ERBB2: variants seen among roughly 807,000 people sequenced by gnomAD.
ERBB2 encodes the protein receptor tyrosine-protein kinase erbB-2.
ERBB2 carries 61 observed loss-of-function variants against 149.0 expected under a neutral mutation model. That is an observed-to-expected ratio of 0.41 (90% CI 0.33 to 0.51). The LOEUF is 0.51. Ranked by LOEUF, ERBB2 falls within the 20% of genes least tolerant of loss-of-function variation. The probability of loss-of-function intolerance (pLI) is 0.25; values close to 1 mark genes in which losing one functional copy is unlikely to be tolerated. For missense variants in ERBB2, 1,205 were observed against 1,655.1 expected (o/e 0.73, Z 4.72); for synonymous variants, 633 against 678.8 (o/e 0.93, Z 1.05).
At chr17:39,697,341 G>GTTTTTTTTTT (rs1313244019), upstream of ERBB2, among the ~76,000 whole-genome samples, 1 of 137,810 alleles carries the variant, frequency 7.3e-6, no homozygotes, top group Non-Finnish European at 1.5e-5. Context: ...TGCTAGGGTT[G>GTTTTTTTTTT]TTTTTTTGTT....
chr17:39,723,307 T>G lies in ERBB2; in HGVS notation c.1947-12T>G, dbSNP rs750741171. The stretch of plus-strand genomic sequence containing the variant: ...CTAGCCCTCAATCCCTGACCCTGGC[T>G]TCCGCCCCCAGCCCTCTGACGTCCA... On this transcript the variant is annotated splice_polypyrimidine_tract_variant and intron_variant, in intron 16 of 26. Transcript: ENST00000269571. The surrounding 1 kb of genome is among the most constrained non-coding windows in gnomAD (Gnocchi z 6.2). The G allele has an allele frequency of 1.9e-6, 3 of 1,610,082 alleles. No individual in the cohort carries two copies. The Admixed American group carries it at 5.0e-5, about 27-fold the overall frequency.
rs1296584434 is a variant in ERBB2 at position 39,715,543 on chromosome 17, A to T, written c.1313+7A>T. 1 of 1,613,746 alleles carries T rather than the reference A, an allele frequency of 6.2e-7. No homozygotes were observed. The highest frequency in any genetic ancestry group is 8.5e-7 in the Non-Finnish European group (1 of 1,179,644). On this transcript the variant is annotated splice_region_variant and intron_variant, in intron 11 of 26. Transcript: ENST00000269571. ...GGGGACGAATTCTGCACAAGTGAGC[A>T]CTGAGAAAGAGGGGGCCTGATGGGG...
At chr17:39,706,683 C>G in intron 1 of ERBB2, 1 of 276,342 alleles carries the variant, frequency 3.6e-6, no homozygotes, top group Non-Finnish European at 6.8e-6. Flanking sequence ...GGAAGCCTTT[C>G]TTTGCCAGCC....
intron 7 of ERBB2, among the ~76,000 whole-genome samples, chr17:39,710,841 C>T (rs543883515): frequency 3.3e-5 from 5 of 152,338 alleles, no homozygotes; most frequent in East Asian, 1.9e-4. Flanking sequence ...GCTCTTAGAA[C>T]GGTGCCTGGT....
chr17:39,699,007 C>A (rs1455256020), upstream of ERBB2, among the ~76,000 whole-genome samples: 1 of 151,082 alleles, frequency 6.6e-6, no homozygotes, highest in Non-Finnish European at 1.5e-5. Context: ...TACCACTAGG[C>A]CTAAGGAATA....
exon 2 of ERBB2, chr17:39,688,759 T>A (rs903558710): frequency 7.9e-5 from 12 of 152,376 alleles, no homozygotes; most frequent in Non-Finnish European, 1.5e-4. Context: ...ACCTTTGCTG[T>A]CCTGTTCACC....
chr17:39,712,246 A>C (rs976903645), intron 8 of ERBB2, 76 bp from the exon 9 acceptor site: 1 of 1,596,364 alleles, frequency 6.3e-7, no homozygotes, highest in Non-Finnish European at 8.6e-7. Flanking sequence ...CCGGACCCTG[A>C]TGCTCATGTG....
chr17:39,727,617 G>T lies in ERBB2; in HGVS notation c.3412+70G>T, dbSNP rs2059849100. 4 of 1,566,732 alleles carry T rather than the reference G, an allele frequency of 2.6e-6. No homozygotes were observed. Among genetic ancestry groups the T allele is most frequent in the Non-Finnish European group, 3.4e-6 (4 of 1,160,850 alleles). Reference sequence around the variant, plus strand: ...TGGGACCTTCAGCCCAGGGTCCACTGTGGGGGCAGAGGGAGTGGCAGAGAC... The same window carrying T: ...TGGGACCTTCAGCCCAGGGTCCACTTTGGGGGCAGAGGGAGTGGCAGAGAC... On this transcript the variant is annotated intron_variant, in intron 26 of 26. Coordinates refer to ENST00000269571, the MANE Select transcript of ERBB2 (RefSeq NM_004448.4). This position sits in a 1 kb window ranked among gnomAD's most constrained non-coding sequence, Gnocchi z 4.3.
upstream of ERBB2, among the ~76,000 whole-genome samples, chr17:39,691,953 A>ATATC (rs1340724716): frequency 2.1e-5 from 3 of 145,962 alleles, no homozygotes; most frequent in East Asian, 5.9e-4. Context: ...ATATATATAT[A>ATATC]TATATCTCTT....
chr17:39,695,757 ACG>A (rs1491158187), upstream of ERBB2, among the ~76,000 whole-genome samples: 23 of 142,580 alleles, frequency 1.6e-4, no homozygotes, highest in African/African-American at 5.7e-4. Context: ...ACACACACAC[ACG>A]TCTCCTGTGC....
At chr17:39,688,671 C>T (rs1175510242) in intron 1 of ERBB2, 1 of 152,436 alleles carries the variant, frequency 6.6e-6, no homozygotes, top group African/African-American at 2.4e-5. Context: ...TGGTCTGAAT[C>T]ACTCACTCTT....
chr17:39,699,967 G>A, upstream of ERBB2: 1 of 1,242,568 alleles, frequency 8.0e-7, no homozygotes, highest in Non-Finnish European at 1.0e-6. Flanking sequence ...GAGGGGGCGA[G>A]CTGGGAGCGC....
chr17:39,713,420 C>T (rs765579144), intron 9 of ERBB2, among the ~76,000 whole-genome samples: 17 of 151,518 alleles, frequency 1.1e-4, no homozygotes, highest in Non-Finnish European at 2.4e-4. Context: ...CCACCACACC[C>T]GGTGCATTTT....
rs977256458 is a variant in ERBB2, at chr17:39,725,617, C to G, written c.2726-90C>G. The stretch of plus-strand genomic sequence containing the variant: ...GCATCACATCTCCCCCTGCTACCTG[C>G]CATGATGCTAGACTCCTGAGCAGAA... On this transcript the variant is annotated intron_variant, in intron 22 of 26. Transcript: ENST00000269571. The surrounding 1 kb of genome is among the most constrained non-coding windows in gnomAD (Gnocchi z 4.6). 7.0e-7 allele frequency: 1 copy of G among 1,420,062 alleles called. No individual in the cohort carries two copies. Among genetic ancestry groups the G allele is most frequent in the East Asian group, 2.3e-5 (1 of 43,548 alleles). The allele number at this position is 1,420,062 out of a possible 1,614,324, so 88.0% of individuals were successfully genotyped here. A position where few individuals can be genotyped will look rare whatever the true frequency, so the allele number is the denominator to read the frequency against.
rs141116145 is a variant in ERBB2, at chr17:39,715,294, C to G, written c.1157C>G (p.Ala386Gly). ...FLPESFDGDP[A>G]SNTAPLQPEQ... ...TCTCCTGACCCCTCCAGGGACCCAG[C>G]CTCCAACACTGCCCCGCTCCAGCCA... The change falls in exon 10 of 27, where the codon GCC (alanine) becomes GGC (glycine). Residue 386 changes from alanine to glycine, a missense_variant. Coordinates refer to ENST00000269571, the MANE Select transcript of ERBB2 (RefSeq NM_004448.4). 2 of 1,613,866 alleles carry G rather than the reference C, an allele frequency of 1.2e-6. No individual in the cohort carries two copies. Among genetic ancestry groups the G allele is most frequent in the African/African-American group, 2.7e-5 (2 of 74,912 alleles).
rs1392951095 is a variant in ERBB2, at chr17:39,708,552, T to C, written c.439+18T>C. 1.9e-6 allele frequency: 3 copies of C among 1,601,426 alleles called. No homozygotes were observed. Among genetic ancestry groups the C allele is most frequent in the African/African-American group, 1.3e-5 (1 of 74,542 alleles). On this transcript the variant is annotated intron_variant, in intron 3 of 26. Transcript: ENST00000269571. ...CCTCACAGGTGGCCTTCACCGTCAT[T>C]GAAACCTTCTCTTGGTTATTCAGAG...
intron 19 of ERBB2, 40 bp from the exon 20 acceptor site, chr17:39,724,686 T>C (rs756746292): frequency 6.3e-7 from 1 of 1,582,094 alleles, no homozygotes; most frequent in Admixed American, 1.7e-5. Context: ...TTTGGGGGTG[T>C]GTGGTCTCCC....
chr17:39,699,127 T>G (rs1395198558), upstream of ERBB2, among the ~76,000 whole-genome samples: 2 of 152,034 alleles, frequency 1.3e-5, no homozygotes, highest in Non-Finnish European at 2.9e-5. Flanking sequence ...GGTGCCTCCT[T>G]AAATAAGCAA....
rs1396809633 is a variant in ERBB2 at position 39,711,979 on chromosome 17, A to G, written c.953A>G (p.His318Arg). Residue 318 changes from histidine (H) to arginine (R), a missense_variant, in exon 8 of 27, where the codon CAC (histidine) becomes CGC (arginine). Transcript: ENST00000269571. ...TCCTGCACCCTCGTCTGCCCCCTGC[A>G]CAACCAAGAGGTGACAGCAGAGGAT... ...VGSCTLVCPLHNQEVTAEDGT... is the reference protein window; with the variant it reads ...VGSCTLVCPLRNQEVTAEDGT... The G allele has an allele frequency of 6.2e-7, 1 of 1,614,014 alleles. No homozygotes were observed. The highest frequency in any genetic ancestry group is 8.5e-7 in the Non-Finnish European group (1 of 1,179,996).
Sources: allele counts gnomAD v4.1 joint callset (sites outside exome capture counted in the v4.1 genomes callset), GRCh38; gene constraint gnomAD v4.1.1; non-coding constraint Gnocchi (gnomAD v3.1); transcripts MANE v1.5; gene names NCBI Gene and HGNC (gene_info 2026-07-23, HGNC 2026-07-21).